The following NME9 variants were observed in gnomAD, a reference collection of about 807,000 sequenced individuals.
NME9 encodes NME/NM23 family member 9, also known as thioredoxin domain-containing protein 6.
A neutral mutation model predicts 44.4 loss-of-function variants in NME9; 48 were observed. The observed-to-expected ratio is 1.08, with a 90% CI of 0.86 to 1.37. The LOEUF is 1.37. NME9 is among the 40% of genes most tolerant of loss of function. NME9 has a pLI of 0.00. For synonymous variants in NME9, 139 were observed against 147.1 expected (o/e 0.94, Z 0.40); for missense variants, 325 against 405.2 (o/e 0.80, Z 1.70).
intron 3 of NME9, among the ~76,000 whole-genome samples, 196 bp from the exon 4 acceptor site, chr3:138,318,415 A>G (rs1176559453): frequency 1.3e-5 from 2 of 151,246 alleles, no homozygotes; most frequent in Non-Finnish European, 2.9e-5. Context: ...TGAAGAATCA[A>G]ATGAGGAAGC....
At position 138,329,614 on chromosome 3, in the gene NME9, A is replaced by C; in HGVS notation, c.-279T>G. On this transcript the variant is annotated 5_prime_UTR_variant, in exon 1 of 11. Transcript: ENST00000333911. Reference sequence around the variant, plus strand: ...CTGCGAAGCCCCCTCCCCACCCCGGAGCCGGCCAGGGGGCGCGCGCAGAGG... The same window carrying C: ...CTGCGAAGCCCCCTCCCCACCCCGGCGCCGGCCAGGGGGCGCGCGCAGAGG... 1 of 1,299,850 alleles carries C rather than the reference A, an allele frequency of 7.7e-7. No individual in the cohort carries two copies. The highest frequency in any genetic ancestry group is 9.8e-7 in the Non-Finnish European group (1 of 1,024,928). 80.5% of individuals were successfully genotyped at this position (1,299,850 alleles called of 1,614,324 possible). A position where few individuals can be genotyped will look rare whatever the true frequency, so the allele number is the denominator to read the frequency against.
intron 1 of NME9, among the ~76,000 whole-genome samples, chr3:138,328,036 G>A (rs1017063927): frequency 6.6e-6 from 1 of 152,132 alleles, no homozygotes; most frequent in African/African-American, 2.4e-5. Context: ...TCCTGTCTAC[G>A]TAAAGGATAC....
At chr3:138,271,695 A>G (rs954190484) in intron 8 of NME9, among the ~76,000 whole-genome samples, 4 of 151,972 alleles carry the variant, frequency 2.6e-5, no homozygotes, top group African/African-American at 7.3e-5. Context: ...TCACATTATT[A>G]TGTAACTTGA....
chr3:138,307,799 A>G (rs2052385992), intron 6 of NME9, among the ~76,000 whole-genome samples: 1 of 152,188 alleles, frequency 6.6e-6, no homozygotes. Flanking sequence ...AAAACAAGAA[A>G]AGTTGTGACA....
chr3:138,324,726 AC>A, intron 2 of NME9, 146 bp downstream of exon 2: 1 of 668,592 alleles, frequency 1.5e-6, no homozygotes, highest in Non-Finnish European at 2.8e-6. Flanking sequence ...ACACACACAC[AC>A]ACACACACAC....
intron 8 of NME9, among the ~76,000 whole-genome samples, chr3:138,276,210 C>T (rs112392826): frequency 2.0e-4 from 31 of 152,284 alleles, no homozygotes; most frequent in Non-Finnish European, 4.0e-4. Context: ...AAACAGTCGG[C>T]TCACTAGCTA....
At position 138,315,582 on chromosome 3, in the gene NME9, A is replaced by C. The variant is rs1414293360; in HGVS notation, c.329T>G (p.Leu110Arg). 3 of 1,536,666 alleles carry C rather than the reference A, an allele frequency of 2.0e-6. No homozygotes were observed. In the Admixed American group the frequency reaches 5.9e-5, roughly 30 times the overall value. ...ANAPLLQKTI[L>R]DQLEAEKKVL... ...TTTCTTTTCGGCCTCCAGCTGGTCT[A>C]GGATGGTTTTCTGCAGCAGTGGGGC... is the stretch of plus-strand genomic sequence containing the variant. Residue 110 changes from leucine (L) to arginine (R), a missense_variant, in exon 5 of 11, where the codon CTA becomes CGA. By Grantham distance (102) the Leu-to-Arg change is moderately radical (BLOSUM62 -2). Coordinates refer to ENST00000333911, the MANE Select transcript of NME9 (RefSeq NM_001349018.2).
At chr3:138,282,531 G>A (rs1054844417) in intron 8 of NME9, among the ~76,000 whole-genome samples, 12 of 150,612 alleles carry the variant, frequency 8.0e-5, no homozygotes, top group African/African-American at 2.9e-4. Context: ...TGTAATCCCA[G>A]TTACTTGGGA....
At chr3:138,267,640 G>GA (rs1576876665) in intron 8 of NME9, among the ~76,000 whole-genome samples, 1 of 152,278 alleles carries the variant, frequency 6.6e-6, no homozygotes, top group East Asian at 1.9e-4. Flanking sequence ...GCTGTCATTG[G>GA]AAAATCATCT....
At chr3:138,318,019 G>C in intron 4 of NME9, 129 bp downstream of exon 4, 1 of 678,306 alleles carries the variant, frequency 1.5e-6, no homozygotes, top group Non-Finnish European at 2.7e-6. Context: ...TCACTTGTTT[G>C]AATCTGTGAG....
chr3:138,267,261 T>C, intron 8 of NME9: 8 of 1,457,844 alleles, frequency 5.5e-6, no homozygotes, highest in Non-Finnish European at 7.5e-6. Flanking sequence ...GATTTTCTTT[T>C]CCTAGACTTT....
Position 138,320,227 on chromosome 3 carries a change from T to G in NME9, c.92-646A>C, listed in dbSNP as rs1334658231. The stretch of plus-strand genomic sequence containing the variant: ...CATCTGAGTGTTGTGAACCATGTGA[T>G]CAACAGGAAGCTAAGCAAACCAAGC... On this transcript the variant is annotated intron_variant, in intron 2 of 10. Transcript: ENST00000333911. Among the ~76,000 whole-genome samples the G allele has an allele frequency of 3.3e-5, 5 of 152,182 alleles. No homozygotes were observed. In the East Asian group the frequency reaches 9.6e-4, roughly 29 times the overall value.
rs2051810955 is a variant in NME9, at chr3:138,301,039, C to G, written c.*601G>C. ...AGATTTATTGTTGGGGAAACACCAT[C>G]TCATATAACCCAGTATCCTCTGAGA... On this transcript the variant is annotated 3_prime_UTR_variant, in exon 11 of 11. Transcript: ENST00000333911. The G allele has an allele frequency of 4.1e-6, 4 of 975,554 alleles. No individual in the cohort carries two copies. The highest frequency in any genetic ancestry group is 4.9e-6 in the Non-Finnish European group (4 of 821,000). 60.4% of individuals were successfully genotyped at this position (975,554 alleles called of 1,614,324 possible).
chr3:138,299,582 C>T (rs1560079710), downstream of NME9, among the ~76,000 whole-genome samples: 1 of 152,124 alleles, frequency 6.6e-6, no homozygotes, highest in Non-Finnish European at 1.5e-5. Flanking sequence ...TTCCTTATGC[C>T]ATGAAACTTG....
At chr3:138,314,261 A>G in intron 6 of NME9, 71 bp downstream of exon 6, 6 of 842,976 alleles carry the variant, frequency 7.1e-6, no homozygotes, top group Non-Finnish European at 1.1e-5. Context: ...CTGAATACTC[A>G]TCTATTTTAA....
intron 8 of NME9, chr3:138,274,402 G>T: frequency 7.8e-7 from 1 of 1,278,544 alleles, no homozygotes. Context: ...TATTCGTCCT[G>T]TGGTCTTTGT....
At chr3:138,275,875 T>A (rs1236074900) in intron 8 of NME9, among the ~76,000 whole-genome samples, 2 of 152,132 alleles carry the variant, frequency 1.3e-5, no homozygotes, top group African/African-American at 4.8e-5. Flanking sequence ...ATGAAAAAAA[T>A]TTAACACAGA....
At chr3:138,314,201 A>G (rs2052905775) in intron 6 of NME9, 131 bp downstream of exon 6, 1 of 549,298 alleles carries the variant, frequency 1.8e-6, no homozygotes, top group Non-Finnish European at 3.2e-6. Flanking sequence ...TTTTAAAAGA[A>G]AATTATGAAC....
At position 138,301,625 on chromosome 3, in the gene NME9, A is replaced by T. The variant is rs1371864363; in HGVS notation, c.*15T>A. On this transcript the variant is annotated 3_prime_UTR_variant, in exon 11 of 11. Transcript: ENST00000333911. ...GACCCCTGGTCACGTGCTCTGGAAG[A>T]GCAGCACAGCCATCTCAATCCACAT... is the stretch of plus-strand genomic sequence containing the variant. 2.0e-6 allele frequency: 3 copies of T among 1,535,998 alleles called. No homozygotes were observed. In the African/African-American group the frequency reaches 4.1e-5, roughly 21 times the overall value.
Sources: allele counts gnomAD v4.1 joint callset (sites outside exome capture counted in the v4.1 genomes callset), GRCh38; gene constraint gnomAD v4.1.1; transcripts MANE v1.5; gene names NCBI Gene and HGNC (gene_info 2026-07-23, HGNC 2026-07-21).